Variants in CBL observed in about 807,000 individuals in gnomAD.
The protein encoded by CBL is E3 ubiquitin-protein ligase CBL.
Under a neutral mutation model 96.9 loss-of-function variants are expected in CBL, and 45 were observed. That is an observed-to-expected ratio of 0.46 (90% CI 0.37 to 0.60). The LOEUF is 0.60. Ranked by LOEUF, CBL falls within the 20% of genes least tolerant of loss-of-function variation. CBL has a pLI of 0.00. For synonymous variants in CBL, 420 were observed against 426.8 expected (o/e 0.98, Z 0.20); for missense variants, 1,024 against 1,143.5 (o/e 0.90, Z 1.51).
intron 1 of CBL, among the ~76,000 whole-genome samples, chr11:119,226,630 G>A (rs890711579): frequency 1.7e-4 from 26 of 151,930 alleles, no homozygotes; most frequent in African/African-American, 4.6e-4. Flanking sequence ...GCTGATTTTC[G>A]CATTTTTCAT....
At chr11:119,270,918 G>C (rs1290599641) in intron 2 of CBL, among the ~76,000 whole-genome samples, 1 of 152,162 alleles carries the variant, frequency 6.6e-6, no homozygotes, top group East Asian at 1.9e-4. Context: ...TAAACAGGTT[G>C]TGAGAACAAA....
intron 2 of CBL, among the ~76,000 whole-genome samples, chr11:119,238,716 A>T (rs1230342134): frequency 6.6e-6 from 1 of 152,050 alleles, no homozygotes; most frequent in Non-Finnish European, 1.5e-5. Context: ...CTCTAATTTC[A>T]GCTACTCTGG....
At chr11:119,261,177 G>C (rs1376897561) in intron 2 of CBL, among the ~76,000 whole-genome samples, 1 of 151,888 alleles carries the variant, frequency 6.6e-6, no homozygotes, top group Non-Finnish European at 1.5e-5. Flanking sequence ...GCCTCCCAAA[G>C]TGCTAGGATT....
intron 6 of CBL, among the ~76,000 whole-genome samples, chr11:119,277,339 A>G (rs1160442856): frequency 6.6e-6 from 1 of 151,746 alleles, no homozygotes; most frequent in Admixed American, 6.6e-5. Context: ...CCCATGGGCC[A>G]CCTGTTTGTT....
chr11:119,298,800 A>C (rs1207196115), intron 15 of CBL, among the ~76,000 whole-genome samples: 1 of 152,220 alleles, frequency 6.6e-6, no homozygotes, highest in African/African-American at 2.4e-5. Context: ...AGTTTCTCTG[A>C]GTATGCCTTA....
chr11:119,251,083 T>TCCAAATTGCA (rs1730174682), intron 2 of CBL, among the ~76,000 whole-genome samples: 1 of 152,208 alleles, frequency 6.6e-6, no homozygotes, highest in African/African-American at 2.4e-5. Flanking sequence ...TTGGGGTACT[T>TCCAAATTGCA]CCAAATTCTG....
chr11:119,221,591 C>A (rs1263866130), intron 1 of CBL, among the ~76,000 whole-genome samples: 1 of 151,816 alleles, frequency 6.6e-6, no homozygotes, highest in Admixed American at 6.6e-5. Context: ...TATGGTGAAA[C>A]CCCCTCTCTA....
intron 3 of CBL, among the ~76,000 whole-genome samples, chr11:119,272,463 A>T (rs573132981): frequency 1.2e-4 from 19 of 152,234 alleles, no homozygotes; most frequent in Non-Finnish European, 2.5e-4. Context: ...ATTATTTGCT[A>T]TCAGCAGTGA....
intron 2 of CBL, among the ~76,000 whole-genome samples, chr11:119,242,761 A>AG (rs397782522): frequency 7.3e-5 from 11 of 150,174 alleles, no homozygotes; most frequent in South Asian, 2.1e-4. Flanking sequence ...AAAAAAAAAA[A>AG]GAAACCAGTT....
chr11:119,279,845 A>G (rs1949920141), intron 9 of CBL, among the ~76,000 whole-genome samples: 2 of 152,236 alleles, frequency 1.3e-5, no homozygotes, highest in African/African-American at 4.8e-5. Flanking sequence ...TTACTTTTTC[A>G]AAGTGTTTGT....
intron 13 of CBL, 116 bp from the exon 14 acceptor site, chr11:119,297,268 G>C: frequency 1.1e-6 from 1 of 881,412 alleles, no homozygotes; most frequent in East Asian, 2.4e-5. Flanking sequence ...CTTGCCACAA[G>C]AGTCAACTTT....
At chr11:119,262,088 C>CCATGTAGATATTATGA (rs1195711123) in intron 2 of CBL, among the ~76,000 whole-genome samples, 6 of 152,102 alleles carry the variant, frequency 3.9e-5, no homozygotes, top group Non-Finnish European at 7.3e-5. Flanking sequence ...TTCAGTGATA[C>CCATGTAGATATTATGA]CATGTAGATA....
intron 2 of CBL, among the ~76,000 whole-genome samples, chr11:119,235,981 AAT>A (rs1163860777): frequency 6.6e-6 from 1 of 152,162 alleles, no homozygotes; most frequent in Non-Finnish European, 1.5e-5. Flanking sequence ...AATAGGGAAA[AAT>A]ATATAGGGTT....
rs1419258808 is a variant in CBL at position 119,210,603 on chromosome 11, A to T, written c.195+3991A>T. 1.4e-4 allele frequency among the ~76,000 whole-genome samples: 14 copies of T among 98,658 alleles called. No homozygotes were observed. In the East Asian group the frequency reaches 2.8e-3, roughly 20 times the overall value. The allele number at this position is 98,658 out of a possible 152,430, so 64.7% of individuals were successfully genotyped here. A position where few individuals can be genotyped will look rare whatever the true frequency, so the allele number is the denominator to read the frequency against. ...GCCACCACACCTGGCTAATTTTTCA[A>T]TTTTTTTTTTTTTTTTTTTTTTTTT... On this transcript the variant is annotated intron_variant, in intron 1 of 15. Transcript: ENST00000264033.
At chr11:119,244,601 A>G (rs376987296) in intron 2 of CBL, among the ~76,000 whole-genome samples, 780 of 63,070 alleles carry the variant, frequency 0.012, 9 homozygotes, top group African/African-American at 0.066. Context: ...TTTTTTTTTG[A>G]GACGGAGTCT....
At position 119,303,108 on chromosome 11, in the gene CBL, C is replaced by G. The variant is rs915718171; in HGVS notation, c.*3327C>G. 9 of 231,722 alleles carry G rather than the reference C, an allele frequency of 3.9e-5. No homozygotes were observed. The highest frequency in any genetic ancestry group is 1.8e-4 in the African/African-American group (8 of 45,266). The allele number at this position is 231,722 out of a possible 1,614,324, so 14.4% of individuals were successfully genotyped here. A position where few individuals can be genotyped will look rare whatever the true frequency, so the allele number is the denominator to read the frequency against. The stretch of plus-strand genomic sequence containing the variant: ...TTTATGGTCCCAAACAGTCAACTCA[C>G]AAATTTTTATAACAAAATTTCCTTG... On this transcript the variant is annotated 3_prime_UTR_variant, in exon 16 of 16. Transcript: ENST00000264033.
intron 4 of CBL, among the ~76,000 whole-genome samples, chr11:119,274,433 C>T (rs1044329214): frequency 7.9e-5 from 12 of 152,200 alleles, no homozygotes; most frequent in Non-Finnish European, 1.6e-4. Context: ...GCTTCAAAAA[C>T]AACTCCTTTC....
chr11:119,240,136 T>C (rs1047226148), intron 2 of CBL, among the ~76,000 whole-genome samples: 1 of 151,624 alleles, frequency 6.6e-6, no homozygotes, highest in Non-Finnish European at 1.5e-5. Flanking sequence ...TACTAAAAAA[T>C]TCAAAACAAT....
In CBL at chr11:119,269,159, A is replaced by G. The variant is rs114909100; in HGVS notation, c.444-2576A>G. Among the ~76,000 whole-genome samples, 261 of 151,958 alleles carry G rather than the reference A, an allele frequency of 1.7e-3. 1 individual carries two copies. Among genetic ancestry groups the G allele is most frequent in the African/African-American group, 5.9e-3 (246 of 41,420 alleles). On this transcript the variant is annotated intron_variant, in intron 2 of 15. Transcript: ENST00000264033. ...ATCTTGTCTATTTTCTCTTTGGTACATGGTAGAAATTCTATTAAACAATAA... is the reference window on the plus strand; with the variant it reads ...ATCTTGTCTATTTTCTCTTTGGTACGTGGTAGAAATTCTATTAAACAATAA...
Sources: gnomAD v4.1 joint callset for allele counts (sites outside exome capture counted in the v4.1 genomes callset) on GRCh38, gnomAD v4.1.1 for gene constraint, MANE v1.5 for transcripts, NCBI Gene and HGNC (gene_info 2026-07-23, HGNC 2026-07-21) for gene names.